The following PAPPA2 variants were observed in gnomAD, a reference collection of about 807,000 sequenced individuals.
PAPPA2 encodes pappalysin-2.
Under a neutral mutation model 176.4 loss-of-function variants are expected in PAPPA2, and 86 were observed. The ratio of observed to expected loss-of-function variants is 0.49; its 90% CI spans 0.41 to 0.58. PAPPA2 has a LOEUF of 0.58. Among genes scored for constraint, PAPPA2 ranks in the 20% least tolerant of loss-of-function variants. The probability of loss-of-function intolerance (pLI) is 0.00; values close to 1 mark genes in which losing one functional copy is unlikely to be tolerated. For missense variants in PAPPA2, 2,073 were observed against 2,256.9 expected (o/e 0.92, Z 1.65); for synonymous variants, 809 against 852.2 (o/e 0.95, Z 0.88).
intron 17 of PAPPA2, among the ~76,000 whole-genome samples, chr1:176,777,502 C>A (rs1391084517): frequency 6.6e-6 from 1 of 152,144 alleles, no homozygotes; most frequent in African/African-American, 2.4e-5. Context: ...ATCCCTAAAA[C>A]TTCTAAAGAA....
At chr1:176,489,086 A>T (rs1652779916) in intron 1 of PAPPA2, among the ~76,000 whole-genome samples, 1 of 152,228 alleles carries the variant, frequency 6.6e-6, no homozygotes, top group Admixed American at 6.5e-5. Flanking sequence ...GTGTGTATGC[A>T]TGTGATGTGT....
chr1:176,549,277 TA>T (rs1404331891), intron 1 of PAPPA2, among the ~76,000 whole-genome samples: 1 of 152,212 alleles, frequency 6.6e-6, no homozygotes, highest in Non-Finnish European at 1.5e-5. Context: ...CATTCGAATA[TA>T]TGGCTTTCTT....
At chr1:176,731,087 C>A (rs1662118084) in intron 12 of PAPPA2, among the ~76,000 whole-genome samples, 1 of 152,022 alleles carries the variant, frequency 6.6e-6, no homozygotes, top group Non-Finnish European at 1.5e-5. Flanking sequence ...ACCACTTTTA[C>A]CAATTTTATC....
chr1:176,547,759 T>C (rs1650719146), intron 1 of PAPPA2, among the ~76,000 whole-genome samples: 1 of 152,168 alleles, frequency 6.6e-6, no homozygotes, highest in Admixed American at 6.5e-5. Context: ...CATCTCTCAG[T>C]TGTGACTACC....
intron 3 of PAPPA2, among the ~76,000 whole-genome samples, chr1:176,622,377 A>C (rs1030054100): frequency 6.6e-6 from 1 of 152,212 alleles, no homozygotes; most frequent in Non-Finnish European, 1.5e-5. Context: ...GTTTGCTAGG[A>C]TAATATAGCA....
chr1:176,827,865 G>A (rs982991351), intron 21 of PAPPA2, among the ~76,000 whole-genome samples: 2 of 152,090 alleles, frequency 1.3e-5, no homozygotes, highest in Non-Finnish European at 2.9e-5. Context: ...TTGGCAAAAT[G>A]TAAAGGATTT....
At chr1:176,511,576 A>G (rs1258150650) in intron 1 of PAPPA2, among the ~76,000 whole-genome samples, 8 of 152,218 alleles carry the variant, frequency 5.3e-5, no homozygotes, top group African/African-American at 1.4e-4. Flanking sequence ...AACTGGTGAA[A>G]CAAAATTTCT....
chr1:176,687,714 G>A (rs1219594004), intron 4 of PAPPA2, among the ~76,000 whole-genome samples: 1 of 152,002 alleles, frequency 6.6e-6, no homozygotes. Context: ...GAGCTGAAAT[G>A]TATGAGTAGA....
At position 176,614,166 on chromosome 1, in the gene PAPPA2, C is replaced by G. The variant is rs1655083201; in HGVS notation, c.1991+18571C>G. Among the ~76,000 whole-genome samples the G allele has an allele frequency of 2.0e-5, 3 of 152,148 alleles. No homozygotes were observed. The South Asian group carries it at 6.2e-4, about 32-fold the overall frequency. Reference sequence around the variant, plus strand: ...GGCTGGGAGGGCAAGAGAGATAAAGCAGTTGGATAGTGAAGGGAAAGAGGG... The same window carrying G: ...GGCTGGGAGGGCAAGAGAGATAAAGGAGTTGGATAGTGAAGGGAAAGAGGG... On this transcript the variant is annotated intron_variant, in intron 3 of 22. Coordinates refer to ENST00000367662, the MANE Select transcript of PAPPA2 (RefSeq NM_020318.3).
chr1:176,603,618 T>C (rs1654448310), intron 3 of PAPPA2, among the ~76,000 whole-genome samples: 1 of 152,202 alleles, frequency 6.6e-6, no homozygotes, highest in Non-Finnish European at 1.5e-5. Flanking sequence ...AAATAACTAC[T>C]ACTTATCCTT....
chr1:176,691,314 C>A, intron 5 of PAPPA2: 1 of 380,016 alleles, frequency 2.6e-6, no homozygotes, highest in Non-Finnish European at 3.6e-6. Context: ...CTGGTCATGA[C>A]TTTGAAGGGA....
chr1:176,800,004 TCACA>T, intron 20 of PAPPA2, 53 bp from the exon 21 acceptor site: 1 of 1,588,280 alleles, frequency 6.3e-7, no homozygotes, highest in Non-Finnish European at 8.6e-7. Context: ...TTGCCCCTTC[TCACA>T]CACAACAAAT....
At chr1:176,828,047 T>G (rs1666925180) in intron 21 of PAPPA2, among the ~76,000 whole-genome samples, 1 of 151,744 alleles carries the variant, frequency 6.6e-6, no homozygotes, top group African/African-American at 2.4e-5. Flanking sequence ...AGCAGTAGAG[T>G]GAGGCATATC....
chr1:176,568,845 A>C (rs1156908080), intron 2 of PAPPA2, among the ~76,000 whole-genome samples: 2 of 152,190 alleles, frequency 1.3e-5, no homozygotes, highest in African/African-American at 2.4e-5. Flanking sequence ...CGAGAGATCA[A>C]TTTATTCTTC....
intron 1 of PAPPA2, among the ~76,000 whole-genome samples, chr1:176,550,439 G>A (rs1040262778): frequency 2.6e-5 from 4 of 152,168 alleles, no homozygotes; most frequent in African/African-American, 4.8e-5. Context: ...TCGGATGAGC[G>A]GGGAAGAACC....
intron 4 of PAPPA2, among the ~76,000 whole-genome samples, chr1:176,675,858 T>C (rs1425845104): frequency 2.0e-5 from 3 of 152,066 alleles, no homozygotes; most frequent in Admixed American, 2.0e-4. Flanking sequence ...TTAGAAGATA[T>C]ACGGAACTCT....
chr1:176,710,265 A>G, intron 11 of PAPPA2, 89 bp downstream of exon 11: 8 of 1,196,164 alleles, frequency 6.7e-6, no homozygotes. Context: ...ATGTTTGGAT[A>G]ATTAAAAGAA....
intron 12 of PAPPA2, among the ~76,000 whole-genome samples, chr1:176,737,617 C>T (rs1168128198): frequency 6.6e-6 from 1 of 152,074 alleles, no homozygotes; most frequent in Admixed American, 6.6e-5. Context: ...CCTTTGTAAG[C>T]TTCATCTGAG....
At chr1:176,647,124 T>A (rs1573188790) in intron 3 of PAPPA2, among the ~76,000 whole-genome samples, 1 of 151,550 alleles carries the variant, frequency 6.6e-6, no homozygotes, top group Non-Finnish European at 1.5e-5. Flanking sequence ...TGAAATAATC[T>A]CCTTGTAGTA....
Sources: gnomAD v4.1 joint callset for allele counts (sites outside exome capture counted in the v4.1 genomes callset) on GRCh38, gnomAD v4.1.1 for gene constraint, MANE v1.5 for transcripts, NCBI Gene and HGNC (gene_info 2026-07-23, HGNC 2026-07-21) for gene names.